RASD1: variants seen among roughly 807,000 people sequenced by gnomAD.
RASD1 encodes ras related dexamethasone induced 1.
Under a neutral mutation model 16.7 loss-of-function variants are expected in RASD1, and 13 were observed. That is an observed-to-expected ratio of 0.78 (90% CI 0.51 to 1.24). RASD1 has a LOEUF of 1.24. Among genes scored for constraint, RASD1 ranks in the 50% most tolerant of loss-of-function variants. The pLI is 0.00. For synonymous variants in RASD1, 170 were observed against 172.6 expected (o/e 0.98, Z 0.12); for missense variants, 397 against 407.5 (o/e 0.97, Z 0.22).
In RASD1 at chr17:17,496,112, A is replaced by G. The variant is rs1419141890; in HGVS notation, c.70T>C (p.Cys24Arg). The change falls in exon 1 of 2, where the codon TGC (cysteine) becomes CGC (arginine). Residue 24 changes from cysteine (C) to arginine (R), a missense_variant. Coordinates refer to ENST00000225688, the MANE Select transcript of RASD1 (RefSeq NM_016084.5). ...DSELSIPAKN[C>R]YRMVILGSSK... ...GAGCCGAGGATGACCATGCGATAGC[A>G]GTTCTTGGCCGGGATACTCAGCTCC... The G allele has an allele frequency of 6.2e-7, 1 of 1,613,992 alleles. No individual in the cohort carries two copies. Among genetic ancestry groups the G allele is most frequent in the East Asian group, 2.2e-5 (1 of 44,866 alleles).
chr17:17,495,372 T>C lies in RASD1; in HGVS notation c.599A>G (p.Glu200Gly). The C allele has an allele frequency of 2.5e-6, 4 of 1,592,144 alleles. No individual in the cohort carries two copies. The highest frequency in any genetic ancestry group is 3.4e-6 in the Non-Finnish European group (4 of 1,169,598). ...CTTGCGGTGCAGGTCTGGGCTCATC[T>C]CGCTGGGCAGCTTGGCCATGGCGAA... The part of the protein sequence containing the change: ...ALFAMAKLPS[E>G]MSPDLHRKVS... The change falls in exon 2 of 2, where the codon GAG (glutamate) becomes GGG (glycine). Residue 200 changes from glutamate to glycine, a missense_variant. Coordinates refer to ENST00000225688, the MANE Select transcript of RASD1 (RefSeq NM_016084.5).
chr17:17,495,635 C>T lies in RASD1; in HGVS notation c.336G>A (p.Glu112=), dbSNP rs2142483949. The change falls in exon 2 of 2, where the codon GAG becomes GAA. Residue 112 remains glutamate, a synonymous_variant. Transcript: ENST00000225688. The part of the protein sequence containing the change: ...VFSLDNRDSF[E]EVQRLRQQIL... ...TCTGCTGCCTGAGCCGCTGCACCTCCTCGAAGGAGTCGCGGTTGTCCAGAC... is the reference window on the plus strand; with the variant it reads ...TCTGCTGCCTGAGCCGCTGCACCTCTTCGAAGGAGTCGCGGTTGTCCAGAC... 6.2e-7 allele frequency: 1 copy of T among 1,612,948 alleles called. No individual in the cohort carries two copies. Among genetic ancestry groups the T allele is most frequent in the South Asian group, 1.1e-5 (1 of 91,002 alleles).
At position 17,496,255 on chromosome 17, in the gene RASD1, C is replaced by T; in HGVS notation, c.-74G>A. 1 of 1,456,860 alleles carries T rather than the reference C, an allele frequency of 6.9e-7. No individual in the cohort carries two copies. Among genetic ancestry groups the T allele is most frequent in the Non-Finnish European group, 9.2e-7 (1 of 1,092,888 alleles). 90.2% of individuals were successfully genotyped at this position (1,456,860 alleles called of 1,614,324 possible). On this transcript the variant is annotated 5_prime_UTR_variant, in exon 1 of 2. Coordinates refer to ENST00000225688, the MANE Select transcript of RASD1 (RefSeq NM_016084.5). The stretch of plus-strand genomic sequence containing the variant: ...GAGCGGCTGAGGGTCGCTGGGGTGG[C>T]ACGCGGGGTGAGCGGCTGGAGGGCT...
chr17:17,496,124 G>T lies in RASD1; in HGVS notation c.58C>A (p.Pro20Thr). 2 of 1,613,820 alleles carry T rather than the reference G, an allele frequency of 1.2e-6. No individual in the cohort carries two copies. Among genetic ancestry groups the T allele is most frequent in the African/African-American group, 1.3e-5 (1 of 75,056 alleles). ...MCPSDSELSIPAKNCYRMVIL... is the reference protein window; with the variant it reads ...MCPSDSELSITAKNCYRMVIL... ...ACCATGCGATAGCAGTTCTTGGCCG[G>T]GATACTCAGCTCCGAGTCGCTCGGG... is the stretch of plus-strand genomic sequence containing the variant. The change falls in exon 1 of 2, where the codon CCG becomes ACG. Residue 20 changes from proline (P) to threonine (T), a missense_variant. By Grantham distance (38) the Pro-to-Thr change is conservative. Transcript: ENST00000225688.
Position 17,495,605 on chromosome 17 carries a change from G to T in RASD1, c.366C>A (p.Leu122=). Residue 122 remains leucine (L), a synonymous_variant, in exon 2 of 2, where the codon CTC becomes CTA. Transcript: ENST00000225688. ...EEVQRLRQQI[L]DTKSCLKNKT... ...TGTTCTTGAGGCAAGACTTGGTGTC[G>T]AGGATCTGCTGCCTGAGCCGCTGCA... is the stretch of plus-strand genomic sequence containing the variant. 1 of 1,613,072 alleles carries T rather than the reference G, an allele frequency of 6.2e-7. No individual in the cohort carries two copies. Among genetic ancestry groups the T allele is most frequent in the Non-Finnish European group, 8.5e-7 (1 of 1,179,932 alleles).
Position 17,495,555 on chromosome 17 carries a change from G to C in RASD1, c.416C>G (p.Pro139Arg), listed in dbSNP as rs768368641. The stretch of plus-strand genomic sequence containing the variant: ...ACCCTTGTTGCCGCAGATGACCAGG[G>C]GCACGTCCACGTTCTCCTTGGTTTT... Reference protein sequence around the residue: ...KNKTKENVDVPLVICGNKGDR... With the variant: ...KNKTKENVDVRLVICGNKGDR... The change falls in exon 2 of 2, where the codon CCC becomes CGC. Residue 139 changes from proline to arginine, a missense_variant. By Grantham distance (103) the Pro-to-Arg change is moderately radical (BLOSUM62 -2). Coordinates refer to ENST00000225688, the MANE Select transcript of RASD1 (RefSeq NM_016084.5). The C allele has an allele frequency of 6.2e-7, 1 of 1,612,976 alleles. No individual in the cohort carries two copies. Among genetic ancestry groups the C allele is most frequent in the Non-Finnish European group, 8.5e-7 (1 of 1,179,886 alleles).
chr17:17,495,032 C>T lies in RASD1; in HGVS notation c.*93G>A. ...ATCGCCGGGAGGGGAGACGCCAGTC[C>T]GCGCGCGCTCCCGGCCTGGGGCGCA... On this transcript the variant is annotated 3_prime_UTR_variant, in exon 2 of 2. Transcript: ENST00000225688. 9 of 1,490,042 alleles carry T rather than the reference C, an allele frequency of 6.0e-6. No individual in the cohort carries two copies. The South Asian group carries it at 7.8e-5, about 13-fold the overall frequency. The allele number at this position is 1,490,042 out of a possible 1,614,324, so 92.3% of individuals were successfully genotyped here. A position where few individuals can be genotyped will look rare whatever the true frequency, so the allele number is the denominator to read the frequency against.
chr17:17,495,827 C>T, intron 1 of RASD1, 69 bp downstream of exon 1: 1 of 1,492,886 alleles, frequency 6.7e-7, no homozygotes. Context: ...GCCGGACCGG[C>T]GCTCGCGGGG....
In RASD1 at chr17:17,495,447, T is replaced by G. The variant is rs776140093; in HGVS notation, c.524A>C (p.Glu175Ala). Residue 175 changes from glutamate to alanine, a missense_variant, in exon 2 of 2, where the codon GAG (glutamate) becomes GCG (alanine). By Grantham distance (107) the Glu-to-Ala change is moderately radical (BLOSUM62 -1). Transcript: ENST00000225688. ...GCTGCTGTTCTTCTTGGCCGAGATC[T>G]CGAAGTAGGCGCAGCGCTGGGGGTC... The part of the protein sequence containing the change: ...GDDPQRCAYF[E>A]ISAKKNSSLD... The G allele has an allele frequency of 1.1e-4, 182 of 1,608,276 alleles. 1 individual carries two copies. Among genetic ancestry groups the G allele is most frequent in the Non-Finnish European group, 1.4e-4 (167 of 1,177,608 alleles).
chr17:17,495,978 G>A lies in RASD1; in HGVS notation c.204C>T (p.Arg68=). The A allele has an allele frequency of 2.5e-6, 4 of 1,613,556 alleles. No individual in the cohort carries two copies. Among genetic ancestry groups the A allele is most frequent in the Non-Finnish European group, 3.4e-6 (4 of 1,180,024 alleles). ...EDFHRKFYSI[R]GEVYQLDILD... ...GGATGTCGAGCTGGTAGACCTCGCC[G>A]CGGATGGAGTAGAACTTGCGGTGGA... Residue 68 remains arginine, a synonymous_variant, in exon 1 of 2, where the codon CGC becomes CGT. Transcript: ENST00000225688.
At chr17:17,495,828 G>A in intron 1 of RASD1, 68 bp downstream of exon 1, 2 of 1,493,882 alleles carry the variant, frequency 1.3e-6, no homozygotes, top group Non-Finnish European at 1.8e-6. Context: ...CCGGACCGGC[G>A]CTCGCGGGGC....
In RASD1 at chr17:17,496,073, T is replaced by C; in HGVS notation, c.109A>G (p.Lys37Glu). The change falls in exon 1 of 2, where the codon AAG (lysine) becomes GAG (glutamate). Residue 37 changes from lysine (K) to glutamate (E), a missense_variant. Transcript: ENST00000225688. ...AGGAAGCGCGACACGATGGCCGTCT[T>C]GCCCACCTTGGACGAGCCGAGGATG... ...MVILGSSKVG[K>E]TAIVSRFLTG... 6.2e-7 allele frequency: 1 copy of C among 1,614,100 alleles called. No individual in the cohort carries two copies.
At position 17,496,218 on chromosome 17, in the gene RASD1, G is replaced by C. The variant is rs1282224510; in HGVS notation, c.-37C>G. 1.2e-5 allele frequency: 18 copies of C among 1,530,322 alleles called. No homozygotes were observed. The highest frequency in any genetic ancestry group is 1.5e-5 in the Non-Finnish European group (17 of 1,135,726). The allele number at this position is 1,530,322 out of a possible 1,614,324, so 94.8% of individuals were successfully genotyped here. On this transcript the variant is annotated 5_prime_UTR_variant, in exon 1 of 2. Transcript: ENST00000225688. ...GCCGCGAGGGCGGGCGCGGGGCCGA[G>C]AGAAGGGCAGAGAGCGGCTGAGGGT...
rs1905430343 is a variant in RASD1, at chr17:17,496,125, G to C, written c.57C>G (p.Ile19Met). ...CCATGCGATAGCAGTTCTTGGCCGG[G>C]ATACTCAGCTCCGAGTCGCTCGGGC... Reference protein sequence around the residue: ...KMCPSDSELSIPAKNCYRMVI... With the variant: ...KMCPSDSELSMPAKNCYRMVI... Residue 19 changes from isoleucine (I) to methionine (M), a missense_variant, in exon 1 of 2, where the codon ATC becomes ATG. Coordinates refer to ENST00000225688, the MANE Select transcript of RASD1 (RefSeq NM_016084.5). The C allele has an allele frequency of 2.5e-6, 4 of 1,613,750 alleles. No individual in the cohort carries two copies. Among genetic ancestry groups the C allele is most frequent in the Admixed American group, 1.7e-5 (1 of 60,004 alleles).
Position 17,496,371 on chromosome 17 carries a change from G to C in RASD1, c.-190C>G. On this transcript the variant is annotated 5_prime_UTR_variant, in exon 1 of 2. The change creates a new upstream start codon in the 5' untranslated region. Coordinates refer to ENST00000225688, the MANE Select transcript of RASD1 (RefSeq NM_016084.5). ...CTGGGCTCGGCTGGGGTTCTCCCAG[G>C]ATCTGGGCACAGGCCGCTTGCTCTG... 1 of 607,034 alleles carries C rather than the reference G, an allele frequency of 1.6e-6. No homozygotes were observed. Among genetic ancestry groups the C allele is most frequent in the Non-Finnish European group, 2.7e-6 (1 of 374,242 alleles). The allele number at this position is 607,034 out of a possible 1,614,324, so 37.6% of individuals were successfully genotyped here. A position where few individuals can be genotyped will look rare whatever the true frequency, so the allele number is the denominator to read the frequency against.
At position 17,494,694 on chromosome 17, in the gene RASD1, TCA is replaced by T. The variant is rs1245839964; in HGVS notation, c.*429_*430del. ...GGGAGGGCAGAGGCTCTACCGGCTG[TCA>T]CAGCAACCCGGAATCACAGACAAGA... On this transcript the variant is annotated 3_prime_UTR_variant, in exon 2 of 2. Coordinates refer to ENST00000225688, the MANE Select transcript of RASD1 (RefSeq NM_016084.5). The T allele has an allele frequency of 1.1e-4, 22 of 193,520 alleles. No individual in the cohort carries two copies. Among genetic ancestry groups the T allele is most frequent in the Admixed American group, 1.0e-3 (18 of 17,520 alleles). The allele number at this position is 193,520 out of a possible 1,614,324, so 12.0% of individuals were successfully genotyped here.
In RASD1 at chr17:17,495,590, G is replaced by A; in HGVS notation, c.381C>T (p.Cys127=). ...CGTTCTCCTTGGTTTTGTTCTTGAG[G>A]CAAGACTTGGTGTCGAGGATCTGCT... The part of the protein sequence containing the change: ...LRQQILDTKS[C]LKNKTKENVD... Residue 127 remains cysteine, a synonymous_variant, in exon 2 of 2, where the codon TGC becomes TGT. Coordinates refer to ENST00000225688, the MANE Select transcript of RASD1 (RefSeq NM_016084.5). The A allele has an allele frequency of 6.2e-7, 1 of 1,613,062 alleles. No homozygotes were observed. The highest frequency in any genetic ancestry group is 8.5e-7 in the Non-Finnish European group (1 of 1,179,898).
chr17:17,495,801 T>C, intron 1 of RASD1, 95 bp downstream of exon 1: 1 of 1,471,178 alleles, frequency 6.8e-7, no homozygotes, highest in Non-Finnish European at 9.0e-7. Context: ...CGAAGCGCAC[T>C]ACTCGGCGCG....
chr17:17,495,756 T>A, intron 1 of RASD1, 72 bp from the exon 2 acceptor site: 2 of 1,481,412 alleles, frequency 1.4e-6, no homozygotes, highest in Non-Finnish European at 8.9e-7. Context: ...GGGCTGACTT[T>A]GAGGCCGCGC....
Sources: allele counts gnomAD v4.1 joint callset, GRCh38; gene constraint gnomAD v4.1.1; transcripts MANE v1.5; gene names NCBI Gene and HGNC (gene_info 2026-07-23, HGNC 2026-07-21).